Variants in MCTP2 observed in about 807,000 individuals in gnomAD.
MCTP2 encodes multiple C2 and transmembrane domain containing 2, also known as multiple C2 and transmembrane domain-containing protein 2.
MCTP2 carries 132 observed loss-of-function variants against 111.6 expected under a neutral mutation model. That is an observed-to-expected ratio of 1.18 (90% confidence interval 1.03 to 1.37). MCTP2 has a LOEUF of 1.37. Among genes scored for constraint, MCTP2 ranks in the 40% most tolerant of loss-of-function variants. MCTP2 has a pLI of 0.00. For missense variants in MCTP2, 1,183 were observed against 1,067.9 expected (o/e 1.11, Z -1.50); for synonymous variants, 395 against 387.7 (o/e 1.02, Z -0.22).
At chr15:94,354,947 T>A (rs1433724731) in intron 8 of MCTP2, among the ~76,000 whole-genome samples, 8 of 152,238 alleles carry the variant, frequency 5.3e-5, no homozygotes. Context: ...TGCTCGACGA[T>A]GATGCTCAGC....
intron 12 of MCTP2, among the ~76,000 whole-genome samples, chr15:94,374,613 CTCTT>C (rs1261065728): frequency 2.0e-5 from 3 of 152,178 alleles, no homozygotes; most frequent in Non-Finnish European, 4.4e-5. Flanking sequence ...CTTAAGCTTT[CTCTT>C]TATTAGTTTT....
chr15:94,340,304 T>A, intron 6 of MCTP2, 29 bp downstream of exon 6: 1 of 1,523,886 alleles, frequency 6.6e-7, no homozygotes, highest in South Asian at 1.1e-5. Context: ...TTAATTGTTA[T>A]TGATGAGTTT....
intron 5 of MCTP2, among the ~76,000 whole-genome samples, chr15:94,339,937 A>G (rs996209793): frequency 2.0e-5 from 3 of 152,236 alleles, no homozygotes; most frequent in Non-Finnish European, 4.4e-5. Flanking sequence ...TCCATTGTGC[A>G]TAACATTTCA....
chr15:94,245,732 A>G (rs897591645), intron 1 of MCTP2, among the ~76,000 whole-genome samples: 3 of 148,378 alleles, frequency 2.0e-5, no homozygotes, highest in Non-Finnish European at 4.5e-5. Context: ...ATATATATAT[A>G]TATCTATATA....
intron 1 of MCTP2, among the ~76,000 whole-genome samples, chr15:94,296,389 C>A (rs1440300658): frequency 6.6e-6 from 1 of 152,114 alleles, no homozygotes; most frequent in African/African-American, 2.4e-5. Context: ...GTAATTGAAA[C>A]AATTTTAAAA....
intron 12 of MCTP2, among the ~76,000 whole-genome samples, chr15:94,380,104 T>TCGTCTGCATTTCACTGCTGCCCTC (rs2080045139): frequency 6.6e-6 from 1 of 152,048 alleles, no homozygotes; most frequent in African/African-American, 2.4e-5. Context: ...TTTCATGCTC[T>TCGTCTGCATTTCACTGCTGCCCTC]CGTCTGCATT....
intron 14 of MCTP2, among the ~76,000 whole-genome samples, chr15:94,392,311 G>A (rs1048597986): frequency 1.3e-5 from 2 of 151,830 alleles, no homozygotes; most frequent in African/African-American, 4.8e-5. Flanking sequence ...GGCGGAGGTT[G>A]CAGTGAGCAG....
At chr15:94,445,096 A>G (rs1163538643) in intron 19 of MCTP2, among the ~76,000 whole-genome samples, 2 of 152,136 alleles carry the variant, frequency 1.3e-5, no homozygotes, top group East Asian at 3.9e-4. Flanking sequence ...TGTGCTTTAA[A>G]CCTTTCTGGG....
Position 94,390,116 on chromosome 15 carries a change from A to G in MCTP2, c.1788+4591A>G, listed in dbSNP as rs868479498. The stretch of plus-strand genomic sequence containing the variant: ...TATATATATATATATATATATATGT[A>G]TATATATATATATATACTTAGATGT... On this transcript the variant is annotated intron_variant, in intron 14 of 22. Transcript: ENST00000357742. Among the ~76,000 whole-genome samples the G allele has an allele frequency of 1.0e-3, 49 of 49,122 alleles. 2 individuals are homozygous for G. Among genetic ancestry groups the G allele is most frequent in the East Asian group, 3.6e-3 (10 of 2,760 alleles). 32.2% of individuals were successfully genotyped at this position (49,122 alleles called of 152,430 possible).
intron 17 of MCTP2, among the ~76,000 whole-genome samples, chr15:94,410,579 T>A (rs2082110506): frequency 6.6e-6 from 1 of 152,114 alleles, no homozygotes. Flanking sequence ...TTTATTTCAA[T>A]GACTTAATAC....
At chr15:94,280,463 G>T (rs2074423522) in intron 1 of MCTP2, among the ~76,000 whole-genome samples, 1 of 145,786 alleles carries the variant, frequency 6.9e-6, no homozygotes, top group African/African-American at 2.5e-5. Flanking sequence ...CGTCTGCTTT[G>T]TTGTTTCTGA....
chr15:94,266,076 G>GCACA (rs1173572674), intron 1 of MCTP2, among the ~76,000 whole-genome samples: 1,537 of 57,420 alleles, frequency 0.027, 29 homozygotes, highest in African/African-American at 0.11. Flanking sequence ...GCATGCGTGT[G>GCACA]CGCGCACACA....
rs376471203 is a variant in MCTP2, at chr15:94,345,176, T to C, written c.1005+12T>C. On this transcript the variant is annotated intron_variant, in intron 8 of 22. Coordinates refer to ENST00000357742, the MANE Select transcript of MCTP2 (RefSeq NM_001385001.1). ...TAAGTGCCAGCAAGGTAAATATACT[T>C]TTTTTTCCTTTAGATCATTTGGTTA... 2.1e-5 allele frequency: 33 copies of C among 1,609,190 alleles called. No individual in the cohort carries two copies. The African/African-American group carries it at 2.3e-4, about 11-fold the overall frequency.
intron 2 of MCTP2, among the ~76,000 whole-genome samples, chr15:94,300,793 G>C (rs1015251082): frequency 9.2e-5 from 14 of 152,154 alleles, no homozygotes; most frequent in African/African-American, 3.1e-4. Context: ...CTGTGAAGCA[G>C]TGTCCAAGTT....
intron 1 of MCTP2, among the ~76,000 whole-genome samples, chr15:94,244,385 C>G (rs546624309): frequency 6.7e-6 from 1 of 149,474 alleles, no homozygotes; most frequent in South Asian, 2.1e-4. Context: ...TATGTATACA[C>G]ATAAATATGT....
intron 19 of MCTP2, among the ~76,000 whole-genome samples, chr15:94,456,991 T>A (rs2084875549): frequency 6.6e-6 from 1 of 152,244 alleles, no homozygotes; most frequent in South Asian, 2.1e-4. Flanking sequence ...GAACAAAGGA[T>A]ACAAGAGGAA....
chr15:94,387,547 G>A (rs1206231888), intron 14 of MCTP2, among the ~76,000 whole-genome samples: 1 of 152,160 alleles, frequency 6.6e-6, no homozygotes, highest in Admixed American at 6.5e-5. Flanking sequence ...TTTCAGATTG[G>A]TCATAAGCTG....
intron 1 of MCTP2, among the ~76,000 whole-genome samples, chr15:94,281,423 A>G (rs1461904329): frequency 6.6e-6 from 1 of 152,130 alleles, no homozygotes; most frequent in Admixed American, 6.5e-5. Flanking sequence ...ATCTTTCTCA[A>G]TCCCTTTACT....
intron 17 of MCTP2, among the ~76,000 whole-genome samples, chr15:94,436,297 G>A (rs2083472727): frequency 6.6e-6 from 1 of 152,162 alleles, no homozygotes; most frequent in Non-Finnish European, 1.5e-5. Context: ...ACTCCATGCA[G>A]ATCTGATTCC....
Sources: gnomAD v4.1 joint callset for allele counts (sites outside exome capture counted in the v4.1 genomes callset) on GRCh38, gnomAD v4.1.1 for gene constraint, MANE v1.5 for transcripts, NCBI Gene and HGNC (gene_info 2026-07-23, HGNC 2026-07-21) for gene names.